UNC13C: variants seen among roughly 807,000 people sequenced by gnomAD.
UNC13C encodes the protein protein unc-13 homolog C.
A neutral mutation model predicts 245.4 loss-of-function variants in UNC13C; 174 were observed. That is an observed-to-expected ratio of 0.71 (90% CI 0.63 to 0.80). The LOEUF (loss-of-function observed/expected upper bound fraction) is 0.80. UNC13C is among the 30% of genes least tolerant of loss of function. The pLI is 0.00. For synonymous variants in UNC13C, 992 were observed against 895.1 expected (o/e 1.11, Z -1.93); for missense variants, 2,829 against 2,602.9 (o/e 1.09, Z -1.89).
At chr15:54,034,713 A>G (rs73416907) in intron 2 of UNC13C, among the ~76,000 whole-genome samples, 3,334 of 152,280 alleles carry the variant, frequency 0.022, 122 homozygotes, top group South Asian at 0.13. Context: ...ACTATACACA[A>G]TGTACTTTGT....
chr15:53,883,234 G>C, the UNC13C span, among the ~76,000 whole-genome samples: 2 of 152,142 alleles, frequency 1.3e-5, no homozygotes, highest in African/African-American at 4.8e-5. Flanking sequence ...TCAGAAAAGG[G>C]CAGTAAAGCT....
chr15:54,226,505 C>A (rs1267023274), intron 4 of UNC13C, among the ~76,000 whole-genome samples: 1 of 152,172 alleles, frequency 6.6e-6, no homozygotes, highest in Non-Finnish European at 1.5e-5. Context: ...TCTGTTGCCA[C>A]CAGGACCTTC....
intron 13 of UNC13C, among the ~76,000 whole-genome samples, chr15:54,310,675 C>G (rs918409929): frequency 2.0e-5 from 3 of 151,634 alleles, no homozygotes; most frequent in African/African-American, 7.3e-5. Context: ...CATGAAGCAT[C>G]TTTATGCCTT....
chr15:54,584,423 G>C (rs566697878), intron 30 of UNC13C, among the ~76,000 whole-genome samples: 1 of 152,294 alleles, frequency 6.6e-6, no homozygotes, highest in East Asian at 1.9e-4. Context: ...AAAAGGCAAG[G>C]TAACTTGATA....
intron 4 of UNC13C, among the ~76,000 whole-genome samples, chr15:54,201,596 A>C (rs999666813): frequency 6.6e-6 from 1 of 151,938 alleles, no homozygotes; most frequent in Non-Finnish European, 1.5e-5. Flanking sequence ...CAGAAAAAGC[A>C]TTCGATGAAA....
intron 1 of UNC13C, among the ~76,000 whole-genome samples, chr15:54,005,392 C>T (rs1895089438): frequency 6.6e-6 from 1 of 152,120 alleles, no homozygotes; most frequent in Non-Finnish European, 1.5e-5. Context: ...GGTTGCAATG[C>T]TGGCTGCATC....
At chr15:54,604,901 C>A (rs1899677014) in intron 30 of UNC13C, among the ~76,000 whole-genome samples, 1 of 152,086 alleles carries the variant, frequency 6.6e-6, no homozygotes. Context: ...TGGACCCAGA[C>A]CTACCTAATT....
chr15:54,287,484 C>G (rs930315889), intron 10 of UNC13C, among the ~76,000 whole-genome samples: 5 of 152,168 alleles, frequency 3.3e-5, no homozygotes, highest in African/African-American at 1.2e-4. Flanking sequence ...TAAGCCACAG[C>G]TTTATCAAAG....
chr15:54,595,538 C>T (rs1304608219), intron 30 of UNC13C, among the ~76,000 whole-genome samples: 1 of 152,216 alleles, frequency 6.6e-6, no homozygotes, highest in Non-Finnish European at 1.5e-5. Flanking sequence ...TGCAAGCCTC[C>T]ACAGGCTGCT....
At chr15:54,152,260 C>T (rs2032553003) in intron 4 of UNC13C, among the ~76,000 whole-genome samples, 1 of 152,066 alleles carries the variant, frequency 6.6e-6, no homozygotes. Context: ...ACAGGAGTGC[C>T]AACTTAATAT....
Position 54,216,493 on chromosome 15 carries a change from C to T in UNC13C, c.3072-18537C>T, listed in dbSNP as rs368456865. Among the ~76,000 whole-genome samples, 8 of 151,936 alleles carry T rather than the reference C, an allele frequency of 5.3e-5. No homozygotes were observed. The East Asian group carries it at 1.4e-3, about 26-fold the overall frequency. ...GCATGTTTGTGAAACTATGTGAAAACTTTTAAAAAATCGTTTATTGACAGC... is the reference window on the plus strand; with the variant it reads ...GCATGTTTGTGAAACTATGTGAAAATTTTTAAAAAATCGTTTATTGACAGC... On this transcript the variant is annotated intron_variant, in intron 4 of 32. Coordinates refer to ENST00000260323, the MANE Select transcript of UNC13C (RefSeq NM_001080534.3).
intron 19 of UNC13C, among the ~76,000 whole-genome samples, chr15:54,440,869 A>G (rs1018491583): frequency 6.6e-5 from 10 of 151,968 alleles, no homozygotes; most frequent in African/African-American, 2.4e-4. Context: ...GGATAAAATG[A>G]TATCTCATTG....
intron 4 of UNC13C, among the ~76,000 whole-genome samples, chr15:54,218,576 G>T (rs148673714): frequency 5.3e-5 from 8 of 152,052 alleles, no homozygotes; most frequent in Non-Finnish European, 8.8e-5. Flanking sequence ...GACAGAAGTT[G>T]AAAGAGATGA....
chr15:54,183,757 GAA>G lies in UNC13C; in HGVS notation c.3071+40089_3071+40090del, dbSNP rs56121438. ...TGCTAGGCTCAGACATTGTGAGACA[GAA>G]AAAAAAAAAAAAAAACATGGGACCA... On this transcript the variant is annotated intron_variant, in intron 4 of 32. Transcript: ENST00000260323. Among the ~76,000 whole-genome samples the G allele has an allele frequency of 1.1e-3, 128 of 115,036 alleles. 2 individuals carry two copies. The highest frequency in any genetic ancestry group is 5.6e-3 in the Middle Eastern group (1 of 178). 75.5% of individuals were successfully genotyped at this position (115,036 alleles called of 152,430 possible). A position where few individuals can be genotyped will look rare whatever the true frequency, so the allele number is the denominator to read the frequency against.
At chr15:54,453,400 A>T (rs1891292912) in intron 19 of UNC13C, among the ~76,000 whole-genome samples, 1 of 152,180 alleles carries the variant, frequency 6.6e-6, no homozygotes, top group African/African-American at 2.4e-5. Context: ...TGAAAGCATG[A>T]CTACCAACTC....
chr15:54,158,126 G>GT (rs1483596056), intron 4 of UNC13C, among the ~76,000 whole-genome samples: 1 of 152,174 alleles, frequency 6.6e-6, no homozygotes, highest in Non-Finnish European at 1.5e-5. Flanking sequence ...GGATAGAATG[G>GT]TGAGTTCTTT....
At chr15:54,622,265 T>G in intron 30 of UNC13C, 62 bp from the exon 31 acceptor site, 6 of 1,111,312 alleles carry the variant, frequency 5.4e-6, no homozygotes, top group Non-Finnish European at 8.3e-6. Context: ...ATGCATAGAA[T>G]GAAATTGTCC....
intron 4 of UNC13C, among the ~76,000 whole-genome samples, chr15:54,218,668 A>G (rs2035118858): frequency 6.6e-6 from 1 of 151,934 alleles, no homozygotes; most frequent in South Asian, 2.1e-4. Flanking sequence ...TACTGAATAT[A>G]AAAATGACAT....
At chr15:54,185,806 G>T (rs1420006846) in intron 4 of UNC13C, among the ~76,000 whole-genome samples, 17 of 150,968 alleles carry the variant, frequency 1.1e-4, no homozygotes, top group Non-Finnish European at 5.9e-5. Context: ...ATTCTGTGAA[G>T]AAAGTCACTG....
Sources: gnomAD v4.1 joint callset for allele counts (sites outside exome capture counted in the v4.1 genomes callset) on GRCh38, gnomAD v4.1.1 for gene constraint, MANE v1.5 for transcripts, NCBI Gene and HGNC (gene_info 2026-07-23, HGNC 2026-07-21) for gene names.